Variants in ARID1A observed in about 807,000 individuals in gnomAD.
ARID1A encodes AT-rich interactive domain-containing protein 1A.
Under a neutral mutation model 212.6 loss-of-function variants are expected in ARID1A, and 20 were observed. The ratio of observed to expected loss-of-function variants is 0.09; its 90% CI spans 0.07 to 0.14. The LOEUF is 0.14. Ranked by LOEUF, ARID1A falls within the 10% of genes least tolerant of loss-of-function variation. ARID1A has a pLI of 1.00. For missense variants in ARID1A, 2,587 were observed against 3,059.0 expected (o/e 0.85, Z 3.64); for synonymous variants, 1,376 against 1,222.1 (o/e 1.13, Z -2.63).
At chr1:26,716,905 G>A (rs973402246) in intron 1 of ARID1A, among the ~76,000 whole-genome samples, 7 of 152,102 alleles carry the variant, frequency 4.6e-5, no homozygotes, top group Non-Finnish European at 7.4e-5. Flanking sequence ...AGATTACAGG[G>A]TGAGCCAACT....
intron 4 of ARID1A, among the ~76,000 whole-genome samples, chr1:26,735,897 ACTC>A (rs1320289563): frequency 2.0e-5 from 3 of 151,314 alleles, no homozygotes; most frequent in Non-Finnish European, 4.4e-5. Context: ...TTTCCCCTCA[ACTC>A]CTCCTGTTCA....
intron 1 of ARID1A, among the ~76,000 whole-genome samples, chr1:26,703,003 A>G (rs921234141): frequency 1.3e-5 from 2 of 152,222 alleles, no homozygotes; most frequent in African/African-American, 4.8e-5. Context: ...ATTAGAAAGG[A>G]GAAAAAAGAT....
At chr1:26,762,594 A>G (rs1336553170) in intron 7 of ARID1A, among the ~76,000 whole-genome samples, 1 of 152,226 alleles carries the variant, frequency 6.6e-6, no homozygotes, top group African/African-American at 2.4e-5. Flanking sequence ...CAGACAATTT[A>G]TACATGGTAG....
intron 1 of ARID1A, among the ~76,000 whole-genome samples, chr1:26,703,655 T>G (rs2080360169): frequency 6.6e-6 from 1 of 152,234 alleles, no homozygotes; most frequent in Non-Finnish European, 1.5e-5. Context: ...TATTGCATGG[T>G]CCTTTCCCAG....
chr1:26,741,829 T>C (rs2080791066), intron 4 of ARID1A, among the ~76,000 whole-genome samples: 1 of 152,226 alleles, frequency 6.6e-6, no homozygotes, highest in Admixed American at 6.5e-5. Context: ...ACCCTTCGTA[T>C]TTTTACTTCT....
At chr1:26,744,479 C>CTT (rs966950482) in intron 4 of ARID1A, among the ~76,000 whole-genome samples, 2 of 152,226 alleles carry the variant, frequency 1.3e-5, no homozygotes, top group African/African-American at 4.8e-5. Context: ...GGAAGTACCT[C>CTT]TTCCCCATTA....
At position 26,696,859 on chromosome 1, in the gene ARID1A, A is replaced by T. The variant is rs1043397333; in HGVS notation, c.456A>T (p.Gln152His). 1 of 1,340,294 alleles carries T rather than the reference A, an allele frequency of 7.5e-7. No individual in the cohort carries two copies. The highest frequency in any genetic ancestry group is 9.5e-7 in the Non-Finnish European group (1 of 1,047,254). The allele number at this position is 1,340,294 out of a possible 1,614,324, so 83.0% of individuals were successfully genotyped here. Residue 152 changes from glutamine (Q) to histidine (H), a missense_variant, in exon 1 of 20, where the codon CAA becomes CAT. Gln to His is a conservative substitution (Grantham distance 24). Around this residue, in one of 11 missense-constraint regions of ARID1A, gnomAD observed 735 missense variants for 590.6 expected, o/e 1.24. Coordinates refer to ENST00000324856, the MANE Select transcript of ARID1A (RefSeq NM_006015.6). ...CGCCCCCAGCCTACGGCTTCGGGCA[A>T]CCCTACGGCCGGAGCCCGTCTGCCG... The part of the protein sequence containing the change: ...ALPPPAYGFG[Q>H]PYGRSPSAVA...
intron 1 of ARID1A, 141 bp from the exon 2 acceptor site, chr1:26,729,510 C>A (rs2080652109): frequency 4.4e-6 from 4 of 911,414 alleles, no homozygotes; most frequent in Non-Finnish European, 6.7e-6. Flanking sequence ...TTAAAGGTTA[C>A]TAGGTTGGTC....
chr1:26,697,237 C>G lies in ARID1A; in HGVS notation c.834C>G (p.Gly278=), dbSNP rs766296012. ...QQRFGAMGGG[G]PSAAGGGTPQ... is the part of the protein sequence containing the mutation. Reference sequence around the variant, plus strand: ...GCTTCGGGGCCATGGGGGGAGGCGGCCCCTCCGCGGCCGGCGGGGGAACTC... The same window carrying G: ...GCTTCGGGGCCATGGGGGGAGGCGGGCCCTCCGCGGCCGGCGGGGGAACTC... The change falls in exon 1 of 20, where the codon GGC becomes GGG. Residue 278 remains glycine (G), a synonymous_variant. Coordinates refer to ENST00000324856, the MANE Select transcript of ARID1A (RefSeq NM_006015.6). 2 of 1,373,194 alleles carry G rather than the reference C, an allele frequency of 1.5e-6. No individual in the cohort carries two copies. The highest frequency in any genetic ancestry group is 1.9e-6 in the Non-Finnish European group (2 of 1,069,964). 85.1% of individuals were successfully genotyped at this position (1,373,194 alleles called of 1,614,324 possible).
intron 4 of ARID1A, among the ~76,000 whole-genome samples, chr1:26,746,834 C>G (rs1308756463): frequency 6.6e-6 from 1 of 152,154 alleles, no homozygotes; most frequent in African/African-American, 2.4e-5. Flanking sequence ...GTCAGGAGTT[C>G]AAGGCTGGCC....
chr1:26,709,308 G>A (rs1451266648), intron 1 of ARID1A, among the ~76,000 whole-genome samples: 1 of 152,138 alleles, frequency 6.6e-6, no homozygotes, highest in African/African-American at 2.4e-5. Flanking sequence ...TCAGAAGCAA[G>A]CCTCCAGGAG....
At chr1:26,709,283 C>CT (rs2080425884) in intron 1 of ARID1A, among the ~76,000 whole-genome samples, 1 of 152,210 alleles carries the variant, frequency 6.6e-6, no homozygotes, top group Non-Finnish European at 1.5e-5. Flanking sequence ...CTCTCCCACT[C>CT]TCCAGCCGTC....
chr1:26,779,825 C>A lies in ARID1A; in HGVS notation c.5927C>A (p.Ser1976Tyr), dbSNP rs2124144143. 1 of 1,614,124 alleles carries A rather than the reference C, an allele frequency of 6.2e-7. No homozygotes were observed. Among genetic ancestry groups the A allele is most frequent in the African/African-American group, 1.3e-5 (1 of 75,018 alleles). The part of the protein sequence containing the change: ...PLCTLLDWQD[S>Y]LAKRCVCVSN... ...TGTACCCTTCTGGACTGGCAGGATT[C>A]TCTTGCCAAGCGCTGCGTCTGTGTG... is the stretch of plus-strand genomic sequence containing the variant. Residue 1976 changes from serine to tyrosine, a missense_variant, in exon 20 of 20, where the codon TCT becomes TAT. This residue lies in a region of ARID1A where 168 missense variants were observed against 321.0 expected (regional missense o/e 0.52). Coordinates refer to ENST00000324856, the MANE Select transcript of ARID1A (RefSeq NM_006015.6).
intron 1 of ARID1A, among the ~76,000 whole-genome samples, chr1:26,713,728 T>A (rs1445338229): frequency 6.6e-6 from 1 of 152,232 alleles, no homozygotes. Context: ...CTATGTCTGA[T>A]TAACAAGTTC....
rs2124068368 is a variant in ARID1A at position 26,763,052 on chromosome 1, C to A, written c.2499C>A (p.Asn833Lys). ...YPSAGMAGGI[N>K]PMGAGGQMHG... ...GTGCAGGCATGGCTGGAGGCATAAA[C>A]CCCATGGGTGCCGGAGGTCAAATGC... The change falls in exon 8 of 20, where the codon AAC (asparagine) becomes AAA (lysine). Residue 833 changes from asparagine to lysine, a missense_variant. Asn to Lys is a moderately conservative substitution (Grantham distance 94). Around this residue, in one of 11 missense-constraint regions of ARID1A, gnomAD observed 674 missense variants for 813.4 expected, o/e 0.83. Coordinates refer to ENST00000324856, the MANE Select transcript of ARID1A (RefSeq NM_006015.6). 6.2e-7 allele frequency: 1 copy of A among 1,614,198 alleles called. No homozygotes were observed. Among genetic ancestry groups the A allele is most frequent in the Non-Finnish European group, 8.5e-7 (1 of 1,180,008 alleles).
chr1:26,697,440 C>T lies in ARID1A; in HGVS notation c.1037C>T (p.Ala346Val), dbSNP rs2124744973. 5 of 1,355,068 alleles carry T rather than the reference C, an allele frequency of 3.7e-6. No homozygotes were observed. Among genetic ancestry groups the T allele is most frequent in the Non-Finnish European group, 4.7e-6 (5 of 1,064,612 alleles). 83.9% of individuals were successfully genotyped at this position (1,355,068 alleles called of 1,614,324 possible). Residue 346 changes from alanine to valine, a missense_variant, in exon 1 of 20, where the codon GCG (alanine) becomes GTG (valine). By Grantham distance (64) the Ala-to-Val change is moderately conservative. Coordinates refer to ENST00000324856, the MANE Select transcript of ARID1A (RefSeq NM_006015.6). ...GGGGCTGCGGCGGCGGCAGCTGCGG[C>T]GGCGGCCGCCTCGGGAGGGGCCCAA... The part of the protein sequence containing the change: ...CWGAAAAAAA[A>V]AAASGGAQQR...
rs2124142427 is a variant in ARID1A, at chr1:26,779,644, T to C, written c.5746T>C (p.Ser1916Pro). 1 of 1,614,088 alleles carries C rather than the reference T, an allele frequency of 6.2e-7. No individual in the cohort carries two copies. Among genetic ancestry groups the C allele is most frequent in the East Asian group, 2.2e-5 (1 of 44,876 alleles). Residue 1916 changes from serine (S) to proline (P), a missense_variant, in exon 20 of 20, where the codon TCT becomes CCT. Transcript: ENST00000324856. ...RITATMDDML[S>P]TRSSTLTEDG... ...CACAGCCACTATGGATGACATGTTG[T>C]CTACTCGGTCTAGCACCTTGACCGA... is the stretch of plus-strand genomic sequence containing the variant.
intron 1 of ARID1A, among the ~76,000 whole-genome samples, chr1:26,726,177 T>G (rs1465194374): frequency 2.7e-5 from 4 of 149,048 alleles, no homozygotes; most frequent in African/African-American, 7.4e-5. Flanking sequence ...TTTTTTTGTT[T>G]TTTTTTTTTT....
intron 1 of ARID1A, among the ~76,000 whole-genome samples, chr1:26,701,461 C>T (rs144097898): frequency 6.6e-6 from 1 of 152,144 alleles, no homozygotes; most frequent in Non-Finnish European, 1.5e-5. Flanking sequence ...TTGTGTGTTG[C>T]GTTAGTGGTA....
Sources: gnomAD v4.1 joint callset for allele counts (sites outside exome capture counted in the v4.1 genomes callset) on GRCh38, gnomAD v4.1.1 for gene constraint, gnomAD v4.1.1 regional missense constraint, MANE v1.5 for transcripts, NCBI Gene and HGNC (gene_info 2026-07-23, HGNC 2026-07-21) for gene names.